HS6ST3: variants seen among roughly 807,000 people sequenced by gnomAD.
HS6ST3 encodes heparan-sulfate 6-O-sulfotransferase 3.
A neutral mutation model predicts 36.7 loss-of-function variants in HS6ST3; 12 were observed. The ratio of observed to expected loss-of-function variants is 0.33; its 90% CI spans 0.21 to 0.53. HS6ST3 has a LOEUF of 0.53. Among genes scored for constraint, HS6ST3 ranks in the 20% least tolerant of loss-of-function variants. The pLI is 0.95. For synonymous variants in HS6ST3, 240 were observed against 257.5 expected, an observed-to-expected ratio of 0.93 and a Z score of 0.65; for missense variants, 584 against 640.9, an observed-to-expected ratio of 0.91 and a Z score of 0.96.
chr13:96,591,565 G>A (rs929519987), intron 1 of HS6ST3, among the ~76,000 whole-genome samples: 1 of 152,038 alleles, frequency 6.6e-6, no homozygotes, highest in Non-Finnish European at 1.5e-5. Flanking sequence ...CAACTTTACT[G>A]AATTTGTTTA....
intron 1 of HS6ST3, among the ~76,000 whole-genome samples, chr13:96,211,578 G>A (rs1783984216): frequency 6.6e-6 from 1 of 152,068 alleles, no homozygotes; most frequent in South Asian, 2.1e-4. Flanking sequence ...TATAATATGA[G>A]AATATCCAAA....
intron 1 of HS6ST3, among the ~76,000 whole-genome samples, chr13:96,511,591 T>G (rs138585843): frequency 1.1e-4 from 17 of 151,778 alleles, no homozygotes; most frequent in African/African-American, 4.1e-4. Flanking sequence ...CTTATTTTTG[T>G]TTGTTTGATT....
chr13:96,781,601 A>T (rs1433716685), intron 1 of HS6ST3, among the ~76,000 whole-genome samples: 1 of 152,242 alleles, frequency 6.6e-6, no homozygotes, highest in Non-Finnish European at 1.5e-5. Flanking sequence ...ATAAAAATGG[A>T]AAGATAAAAC....
chr13:96,241,629 C>CTTT (rs200980868), intron 1 of HS6ST3, among the ~76,000 whole-genome samples: 1 of 139,882 alleles, frequency 7.1e-6, no homozygotes, highest in African/African-American at 2.6e-5. Context: ...AATTTACCAA[C>CTTT]TTTTTTTTTT....
Position 96,091,682 on chromosome 13 carries a change from C to T in HS6ST3, c.707+113C>T, listed in dbSNP as rs1373973644. 33 of 1,397,108 alleles carry T rather than the reference C, an allele frequency of 2.4e-5. 1 individual carries two copies. Among genetic ancestry groups the T allele is most frequent in the Non-Finnish European group, 2.8e-5 (30 of 1,056,686 alleles). 86.5% of individuals were successfully genotyped at this position (1,397,108 alleles called of 1,614,324 possible). ...GCCCCTGCCGATGGTTTCCTGGCGT[C>T]TTCAGCGGTTGGCGCCGTGGCTTTG... On this transcript the variant is annotated intron_variant, in intron 1 of 1. Transcript: ENST00000376705.
intron 1 of HS6ST3, among the ~76,000 whole-genome samples, chr13:96,448,259 C>T (rs1265782557): frequency 1.3e-5 from 2 of 152,258 alleles, no homozygotes; most frequent in African/African-American, 4.8e-5. Context: ...ACTTCTATGC[C>T]GCTTATATAC....
intron 1 of HS6ST3, among the ~76,000 whole-genome samples, chr13:96,287,236 T>C (rs1486273807): frequency 6.6e-6 from 1 of 152,208 alleles, no homozygotes; most frequent in Non-Finnish European, 1.5e-5. Context: ...CTAAATGAAT[T>C]ATTTTTTATT....
At chr13:96,701,992 T>G (rs1169762602) in intron 1 of HS6ST3, among the ~76,000 whole-genome samples, 3 of 151,996 alleles carry the variant, frequency 2.0e-5, no homozygotes, top group Non-Finnish European at 4.4e-5. Context: ...CAAAGGGATC[T>G]GAGGGAAACA....
chr13:96,192,766 A>G (rs1393335432), intron 1 of HS6ST3, among the ~76,000 whole-genome samples: 1 of 152,144 alleles, frequency 6.6e-6, no homozygotes, highest in Admixed American at 6.6e-5. Flanking sequence ...TACTTTGGGT[A>G]GATACTCAAT....
At chr13:96,238,465 C>T (rs551186164) in intron 1 of HS6ST3, among the ~76,000 whole-genome samples, 1 of 152,272 alleles carries the variant, frequency 6.6e-6, no homozygotes, top group South Asian at 2.1e-4. Context: ...TTGTTGTCAT[C>T]CCAGTCTGAT....
At chr13:96,176,470 A>T (rs1459890744) in intron 1 of HS6ST3, among the ~76,000 whole-genome samples, 2 of 152,228 alleles carry the variant, frequency 1.3e-5, no homozygotes, top group East Asian at 3.9e-4. Context: ...CTAACTTTGG[A>T]AAAAGAAGGA....
At chr13:96,106,386 G>A (rs373732199) in intron 1 of HS6ST3, among the ~76,000 whole-genome samples, 30 of 152,070 alleles carry the variant, frequency 2.0e-4, no homozygotes, top group African/African-American at 7.2e-4. Flanking sequence ...CACTTACTCT[G>A]GGGGAAGCTG....
At chr13:96,414,436 G>A (rs570150425) in intron 1 of HS6ST3, among the ~76,000 whole-genome samples, 103 of 152,266 alleles carry the variant, frequency 6.8e-4, no homozygotes, top group Non-Finnish European at 1.1e-3. Flanking sequence ...TATTAGCTAG[G>A]TTTGTGTGAT....
chr13:96,469,536 A>C (rs1403454502), intron 1 of HS6ST3, among the ~76,000 whole-genome samples: 1 of 152,134 alleles, frequency 6.6e-6, no homozygotes, highest in East Asian at 1.9e-4. Flanking sequence ...ATTAACCATA[A>C]AAAGAGCAAG....
At chr13:96,387,368 C>G (rs1367356053) in intron 1 of HS6ST3, among the ~76,000 whole-genome samples, 5 of 152,068 alleles carry the variant, frequency 3.3e-5, no homozygotes, top group African/African-American at 4.8e-5. Flanking sequence ...TAATCCACAC[C>G]TGCAAAATTA....
Position 96,329,451 on chromosome 13 carries a change from T to C in HS6ST3, c.707+237882T>C, listed in dbSNP as rs11617269. Among the ~76,000 whole-genome samples, 875 of 144,908 alleles carry C rather than the reference T, an allele frequency of 6.0e-3. 2 individuals carry two copies. Among genetic ancestry groups the C allele is most frequent in the East Asian group, 0.027 (129 of 4,858 alleles). Reference sequence around the variant, plus strand: ...CATTTCGTTATGTACCCAGTAGTCATTCAGGAGCAGGTTGTTCAGTTTCCA... The same window carrying C: ...CATTTCGTTATGTACCCAGTAGTCACTCAGGAGCAGGTTGTTCAGTTTCCA... On this transcript the variant is annotated intron_variant, in intron 1 of 1. Transcript: ENST00000376705.
At chr13:96,785,715 C>T (rs1392608435) in intron 1 of HS6ST3, among the ~76,000 whole-genome samples, 1 of 152,122 alleles carries the variant, frequency 6.6e-6, no homozygotes, top group African/African-American at 2.4e-5. Context: ...CAACAAGAGA[C>T]ATGCATACAC....
chr13:96,113,534 C>G (rs762412632), intron 1 of HS6ST3, among the ~76,000 whole-genome samples: 3 of 152,190 alleles, frequency 2.0e-5, no homozygotes, highest in Non-Finnish European at 2.9e-5. Flanking sequence ...TTAACCTCAT[C>G]TGTAAGCAAT....
chr13:96,510,543 A>G (rs1457815320), intron 1 of HS6ST3, among the ~76,000 whole-genome samples: 2 of 151,928 alleles, frequency 1.3e-5, no homozygotes, highest in Non-Finnish European at 2.9e-5. Flanking sequence ...AGCAGCTCTA[A>G]TGGGGGTGGC....
Sources: gnomAD v4.1 joint callset for allele counts (sites outside exome capture counted in the v4.1 genomes callset) on GRCh38, gnomAD v4.1.1 for gene constraint, MANE v1.5 for transcripts, NCBI Gene and HGNC (gene_info 2026-07-23, HGNC 2026-07-21) for gene names.